VPS13D: variants seen among roughly 807,000 people sequenced by gnomAD.
VPS13D encodes vacuolar protein sorting 13 homolog D, also known as intermembrane lipid transfer protein VPS13D.
A neutral mutation model predicts 461.9 loss-of-function variants in VPS13D; 187 were observed. The observed-to-expected ratio is 0.40, with a 90% CI of 0.36 to 0.46. The LOEUF (loss-of-function observed/expected upper bound fraction) is 0.46. Among genes scored for constraint, VPS13D ranks in the 20% least tolerant of loss-of-function variants. The pLI, the probability that VPS13D is intolerant of heterozygous loss-of-function variation, is 0.60. For missense variants in VPS13D, 4,711 were observed against 5,364.9 expected (o/e 0.88, Z 3.81); for synonymous variants, 1,951 against 1,986.3 (o/e 0.98, Z 0.47).
chr1:12,371,656 G>T (rs1644119286), intron 54 of VPS13D, among the ~76,000 whole-genome samples: 1 of 152,126 alleles, frequency 6.6e-6, no homozygotes, highest in Non-Finnish European at 1.5e-5. Context: ...GCCTCCCAAA[G>T]TGCTGGGATT....
chr1:12,356,279 C>T lies in VPS13D; in HGVS notation c.9872-119C>T, dbSNP rs186603227. Reference sequence around the variant, plus strand: ...TGTCTTTTTAGGCAAGAAACTGAGCCCACTAAATAGATTCAGTTTTCACTC... The same window carrying T: ...TGTCTTTTTAGGCAAGAAACTGAGCTCACTAAATAGATTCAGTTTTCACTC... On this transcript the variant is annotated intron_variant, in intron 48 of 69. Transcript: ENST00000620676. The T allele has an allele frequency of 1.7e-5, 24 of 1,417,372 alleles. No individual in the cohort carries two copies. The East Asian group carries it at 5.8e-4, about 34-fold the overall frequency. The allele number at this position is 1,417,372 out of a possible 1,614,324, so 87.8% of individuals were successfully genotyped here. A position where few individuals can be genotyped will look rare whatever the true frequency, so the allele number is the denominator to read the frequency against.
rs759702490 is a variant in VPS13D, at chr1:12,318,173, C to T, written c.7250C>T (p.Pro2417Leu). The T allele has an allele frequency of 1.2e-6, 2 of 1,614,010 alleles. No homozygotes were observed. The highest frequency in any genetic ancestry group is 1.3e-5 in the African/African-American group (1 of 74,918). ...LLLVHDFLHT[P>L]SDIKKQNHVT... ...TTAGTCCATGATTTTCTCCACACTCCCAGTGATATTAAGAAACAAAATCAT... is the reference window on the plus strand; with the variant it reads ...TTAGTCCATGATTTTCTCCACACTCTCAGTGATATTAAGAAACAAAATCAT... Residue 2417 changes from proline (P) to leucine (L), a missense_variant, in exon 31 of 70, where the codon CCC (proline) becomes CTC (leucine). Pro to Leu is a moderately conservative substitution (Grantham distance 98, BLOSUM62 -3). Around this residue, in one of 3 missense-constraint regions of VPS13D, gnomAD observed 4,411 missense variants for 4,937.8 expected, o/e 0.89. Transcript: ENST00000620676.
chr1:12,404,661 T>TC (rs1644627480), intron 63 of VPS13D, among the ~76,000 whole-genome samples: 1 of 152,210 alleles, frequency 6.6e-6, no homozygotes, highest in Non-Finnish European at 1.5e-5. Context: ...ATTTTTTTTT[T>TC]CACTATACTA....
intron 64 of VPS13D, among the ~76,000 whole-genome samples, chr1:12,415,454 G>T (rs897111063): frequency 6.6e-6 from 1 of 152,086 alleles, no homozygotes; most frequent in Non-Finnish European, 1.5e-5. Flanking sequence ...AGTCTGAGGG[G>T]TTCCTGCTAG....
intron 43 of VPS13D, among the ~76,000 whole-genome samples, chr1:12,346,072 C>T (rs1419425287): frequency 1.3e-5 from 2 of 152,212 alleles, no homozygotes; most frequent in Non-Finnish European, 2.9e-5. Flanking sequence ...TCCTGGCTGA[C>T]AGAGCTGCCA....
chr1:12,383,848 TA>T (rs1644315445), intron 58 of VPS13D, among the ~76,000 whole-genome samples: 1 of 152,172 alleles, frequency 6.6e-6, no homozygotes, highest in African/African-American at 2.4e-5. Flanking sequence ...ACATAGGAAG[TA>T]AATGACATAC....
chr1:12,500,021 C>A, intron 68 of VPS13D: 1 of 985,372 alleles, frequency 1.0e-6, no homozygotes, highest in Non-Finnish European at 1.2e-6. Flanking sequence ...ACTGTTCTGA[C>A]TAAATGTTTC....
intron 67 of VPS13D, among the ~76,000 whole-genome samples, chr1:12,479,833 CCCTGGT>C (rs1328715975): frequency 1.3e-5 from 2 of 152,198 alleles, no homozygotes; most frequent in Non-Finnish European, 2.9e-5. Flanking sequence ...TGTGCAAAGA[CCCTGGT>C]TCACTTGGAG....
intron 57 of VPS13D, 26 bp from the exon 58 acceptor site, chr1:12,382,950 C>T: frequency 6.3e-7 from 1 of 1,592,384 alleles, no homozygotes; most frequent in Non-Finnish European, 8.5e-7. Context: ...TCTTTTCTCA[C>T]ATGTCTCTAC....
intron 60 of VPS13D, among the ~76,000 whole-genome samples, chr1:12,397,746 C>A (rs1195842580): frequency 6.6e-6 from 1 of 152,146 alleles, no homozygotes; most frequent in Non-Finnish European, 1.5e-5. Flanking sequence ...AGATAAAGTG[C>A]TACTTTAGAA....
Position 12,333,291 on chromosome 1 carries a change from C to CT in VPS13D, c.8354dup (p.His2786ProfsTer25). The CT allele has an allele frequency of 6.2e-7, 1 of 1,614,178 alleles. No individual in the cohort carries two copies. On this transcript the variant is annotated frameshift_variant, in exon 38 of 70. Transcript: ENST00000620676. LOFTEE classifies it high-confidence loss of function. ...CTGGCAACAGCAGGCAGCTAGTCGT[C>CT]TCCATCCTCCTCGACTGAAGCTAGA...
intron 65 of VPS13D, among the ~76,000 whole-genome samples, chr1:12,454,703 C>T (rs906172892): frequency 1.3e-5 from 2 of 152,220 alleles, no homozygotes; most frequent in African/African-American, 4.8e-5. Flanking sequence ...CACCCTAACC[C>T]CCTTGCCAAA....
At chr1:12,266,494 T>C (rs761138355) in intron 13 of VPS13D, among the ~76,000 whole-genome samples, 1 of 152,266 alleles carries the variant, frequency 6.6e-6, no homozygotes, top group Non-Finnish European at 1.5e-5. Context: ...TACAACTTGC[T>C]GAAGATTCAC....
At chr1:12,498,400 G>A (rs1280911478) in intron 68 of VPS13D, among the ~76,000 whole-genome samples, 3 of 152,180 alleles carry the variant, frequency 2.0e-5, no homozygotes, top group Non-Finnish European at 4.4e-5. Flanking sequence ...TGAAATAGAC[G>A]TCAACTGTCA....
intron 25 of VPS13D, among the ~76,000 whole-genome samples, chr1:12,300,146 A>G (rs1337606024): frequency 6.7e-6 from 1 of 150,080 alleles, no homozygotes; most frequent in East Asian, 2.0e-4. Flanking sequence ...ATTTATGACC[A>G]TCCATGGATA....
intron 50 of VPS13D, among the ~76,000 whole-genome samples, chr1:12,359,704 G>T (rs1354783994): frequency 6.6e-6 from 1 of 152,102 alleles, no homozygotes; most frequent in Non-Finnish European, 1.5e-5. Flanking sequence ...TCCAAGTATA[G>T]TTTCCTCTTT....
At position 12,511,512 on chromosome 1, in the gene VPS13D, A is replaced by G. The variant is rs1051089658; in HGVS notation, c.*2488A>G. 6.6e-6 allele frequency: 1 copy of G among 152,248 alleles called. No homozygotes were observed. Among genetic ancestry groups the G allele is most frequent in the Admixed American group, 6.5e-5 (1 of 15,288 alleles). 9.4% of individuals were successfully genotyped at this position (152,248 alleles called of 1,614,324 possible). A position where few individuals can be genotyped will look rare whatever the true frequency, so the allele number is the denominator to read the frequency against. Reference sequence around the variant, plus strand: ...TTTGTAAACTGATATTCAGCCAGCAATGCCTAAGACTTTGTTAAGATCATT... The same window carrying G: ...TTTGTAAACTGATATTCAGCCAGCAGTGCCTAAGACTTTGTTAAGATCATT... On this transcript the variant is annotated 3_prime_UTR_variant, in exon 70 of 70. Transcript: ENST00000620676. This position sits in a 1 kb window ranked among gnomAD's most constrained non-coding sequence, Gnocchi z 4.5.
At chr1:12,249,770 T>A (rs1640674631) in intron 6 of VPS13D, among the ~76,000 whole-genome samples, 1 of 152,098 alleles carries the variant, frequency 6.6e-6, no homozygotes, top group Non-Finnish European at 1.5e-5. Context: ...CAAAACACAC[T>A]CTGTTTCTTC....
At chr1:12,311,701 C>G in intron 28 of VPS13D, 76 bp downstream of exon 28, 1 of 1,589,788 alleles carries the variant, frequency 6.3e-7, no homozygotes, top group Non-Finnish European at 8.6e-7. Context: ...ATTCCTCAAA[C>G]TCACTTGGAG....
Sources: allele counts gnomAD v4.1 joint callset (sites outside exome capture counted in the v4.1 genomes callset), GRCh38; gene constraint gnomAD v4.1.1; regional missense constraint gnomAD v4.1.1; non-coding constraint Gnocchi (gnomAD v3.1); transcripts MANE v1.5; gene names NCBI Gene and HGNC (gene_info 2026-07-23, HGNC 2026-07-21).